CTNNA2: variants seen among roughly 807,000 people sequenced by gnomAD.
The protein encoded by CTNNA2 is catenin alpha-2.
CTNNA2 carries 42 observed loss-of-function variants against 101.0 expected under a neutral mutation model. That is an observed-to-expected ratio of 0.42 (90% CI 0.32 to 0.54). The LOEUF (loss-of-function observed/expected upper bound fraction) is 0.54. CTNNA2 is among the 20% of genes least tolerant of loss of function. The pLI is 0.14. For missense variants in CTNNA2, 871 were observed against 1,223.1 expected, an observed-to-expected ratio of 0.71 and a Z score of 4.29; for synonymous variants, 450 against 456.4, an observed-to-expected ratio of 0.99 and a Z score of 0.18.
At chr2:79,193,493 T>TATACA (rs1673902673) in intron 1 of CTNNA2, among the ~76,000 whole-genome samples, 1 of 152,198 alleles carries the variant, frequency 6.6e-6, no homozygotes, top group Non-Finnish European at 1.5e-5. Context: ...AAGTATGTAG[T>TATACA]AGCCTGTACC....
intron 7 of CTNNA2, among the ~76,000 whole-genome samples, chr2:80,170,064 C>T (rs1225209412): frequency 6.6e-6 from 1 of 152,166 alleles, no homozygotes; most frequent in African/African-American, 2.4e-5. Context: ...CAAGTAAGGG[C>T]AATTCATTTA....
chr2:79,998,618 A>G (rs1692716223), intron 7 of CTNNA2, among the ~76,000 whole-genome samples: 1 of 152,208 alleles, frequency 6.6e-6, no homozygotes, highest in African/African-American at 2.4e-5. Context: ...AACCTTCCCA[A>G]ACTTTAAAAT....
Position 79,434,919 on chromosome 2 carries a change from T to G in CTNNA2, c.-135+60906T>G, listed in dbSNP as rs541354769. On this transcript the variant is annotated intron_variant, in intron 4 of 21. Coordinates refer to the CTNNA2 transcript ENST00000466387. Reference sequence around the variant, plus strand: ...GCCCCACATTTGTTTCTGTAGGTTTTCCAAGTAGAAATCTCTCCACATACT... The same window carrying G: ...GCCCCACATTTGTTTCTGTAGGTTTGCCAAGTAGAAATCTCTCCACATACT... Among the ~76,000 whole-genome samples the G allele has an allele frequency of 9.1e-4, 139 of 152,306 alleles. 1 individual carries two copies. The highest frequency in any genetic ancestry group is 1.7e-3 in the Non-Finnish European group (117 of 68,020).
In CTNNA2 at chr2:80,043,285, C is replaced by T. The variant is rs372251557; in HGVS notation, c.1056+133488C>T. On this transcript the variant is annotated intron_variant, in intron 7 of 18. Coordinates refer to ENST00000402739, the MANE Select transcript of CTNNA2 (RefSeq NM_001282597.3). The stretch of plus-strand genomic sequence containing the variant: ...CGATCTTGGCTCACTGCAACCTCCA[C>T]CTCCTGGGTTCAAGCGATTCTCATG... Among the ~76,000 whole-genome samples, 10 of 150,966 alleles carry T rather than the reference C, an allele frequency of 6.6e-5. No homozygotes were observed. The East Asian group carries it at 1.6e-3, about 24-fold the overall frequency.
At chr2:80,511,201 T>A (rs1688677311) in intron 9 of CTNNA2, among the ~76,000 whole-genome samples, 2 of 152,216 alleles carry the variant, frequency 1.3e-5, no homozygotes, top group African/African-American at 2.4e-5. Context: ...ATGCATCTAC[T>A]TGGGTCAACC....
rs546277970 is a variant in CTNNA2, at chr2:80,372,379, T to G, written c.1057-20832T>G. Among the ~76,000 whole-genome samples, 4 of 152,186 alleles carry G rather than the reference T, an allele frequency of 2.6e-5. No individual in the cohort carries two copies. The South Asian group carries it at 8.3e-4, about 32-fold the overall frequency. On this transcript the variant is annotated intron_variant, in intron 7 of 18. Transcript: ENST00000402739. ...CATTTTTAGAGAAGTTTTTTTTTTT[T>G]TTTTAAGCTGTTGGCTACTTTAGCC...
chr2:80,234,812 ATT>A (rs201091912), intron 7 of CTNNA2, among the ~76,000 whole-genome samples: 63 of 146,562 alleles, frequency 4.3e-4, no homozygotes, highest in African/African-American at 1.5e-3. Flanking sequence ...AAGTTGGCAG[ATT>A]TTTTTTTTTT....
At chr2:79,872,342 C>CAAATACAGATTTT (rs1400030430) in intron 5 of CTNNA2, among the ~76,000 whole-genome samples, 2 of 151,810 alleles carry the variant, frequency 1.3e-5, no homozygotes, top group Admixed American at 1.3e-4. Context: ...TTTTCACAAC[C>CAAATACAGATTTT]CGCATTTCTC....
chr2:79,306,677 A>G (rs2104395903), intron 2 of CTNNA2, among the ~76,000 whole-genome samples: 1 of 152,332 alleles, frequency 6.6e-6, no homozygotes, highest in Non-Finnish European at 1.5e-5. Flanking sequence ...CATATCTAGT[A>G]TTTGAAATGT....
intron 2 of CTNNA2, among the ~76,000 whole-genome samples, chr2:79,733,989 C>T (rs72822579): frequency 0.018 from 2,780 of 152,208 alleles, 33 homozygotes; most frequent in African/African-American, 0.037. Flanking sequence ...AGATTTGTTT[C>T]TACTCTTTCT....
chr2:79,650,943 A>C (rs1446800431), intron 1 of CTNNA2, among the ~76,000 whole-genome samples: 1 of 151,728 alleles, frequency 6.6e-6, no homozygotes, highest in East Asian at 2.0e-4. Flanking sequence ...AATTTCATCC[A>C]TGTCCCTACA....
intron 7 of CTNNA2, among the ~76,000 whole-genome samples, chr2:80,249,043 G>A (rs1671556086): frequency 6.6e-6 from 1 of 152,126 alleles, no homozygotes; most frequent in African/African-American, 2.4e-5. Flanking sequence ...GAAAGAGCCT[G>A]CAGTGCCCTT....
chr2:79,266,483 T>C (rs1308150931), intron 2 of CTNNA2, among the ~76,000 whole-genome samples: 1 of 152,196 alleles, frequency 6.6e-6, no homozygotes, highest in Admixed American at 6.5e-5. Flanking sequence ...CCTGAGATAA[T>C]ATCCCATGTA....
chr2:80,622,574 G>A (rs1671240958), intron 18 of CTNNA2, among the ~76,000 whole-genome samples: 1 of 151,826 alleles, frequency 6.6e-6, no homozygotes, highest in Non-Finnish European at 1.5e-5. Flanking sequence ...AACTGAACAT[G>A]ATTATGCAAG....
intron 2 of CTNNA2, among the ~76,000 whole-genome samples, chr2:79,656,798 A>G (rs1213755262): frequency 6.6e-6 from 1 of 152,018 alleles, no homozygotes; most frequent in East Asian, 1.9e-4. Flanking sequence ...AAGAAGCCTT[A>G]TTAGAAAACT....
intron 2 of CTNNA2, among the ~76,000 whole-genome samples, chr2:79,305,129 G>A (rs921662127): frequency 7.2e-5 from 11 of 151,882 alleles, no homozygotes; most frequent in Non-Finnish European, 8.8e-5. Context: ...ACTAGTCATA[G>A]GGATTGAAGG....
intron 7 of CTNNA2, among the ~76,000 whole-genome samples, chr2:80,126,577 C>A (rs1170260528): frequency 4.6e-5 from 6 of 131,836 alleles, no homozygotes; most frequent in Non-Finnish European, 6.5e-5. Flanking sequence ...TCTGCTTTGC[C>A]CTTTCTTTCC....
chr2:80,301,934 A>G (rs1297043006), intron 7 of CTNNA2: 11 of 236,558 alleles, frequency 4.7e-5, no homozygotes. Flanking sequence ...AAAAAAATCA[A>G]TGATTGGTAC....
intron 3 of CTNNA2, among the ~76,000 whole-genome samples, chr2:79,806,335 T>C (rs1676569917): frequency 6.6e-6 from 1 of 152,088 alleles, no homozygotes; most frequent in African/African-American, 2.4e-5. Flanking sequence ...AGAGGACGTT[T>C]TGAAGGTGGA....
Sources: gnomAD v4.1 joint callset for allele counts (sites outside exome capture counted in the v4.1 genomes callset) on GRCh38, gnomAD v4.1.1 for gene constraint, MANE v1.5 for transcripts, NCBI Gene and HGNC (gene_info 2026-07-23, HGNC 2026-07-21) for gene names.